Variants in KANK1 observed in about 807,000 individuals in gnomAD.
KANK1 encodes the protein KN motif and ankyrin repeat domains 1, also known as KN motif and ankyrin repeat domain-containing protein 1.
Under a neutral mutation model 106.2 loss-of-function variants are expected in KANK1, and 109 were observed. The observed-to-expected ratio is 1.03, with a 90% CI of 0.88 to 1.20. KANK1 has a LOEUF of 1.20. Ranked by LOEUF, KANK1 falls within the 50% of genes most tolerant of loss-of-function variation. The probability of loss-of-function intolerance (pLI) is 0.00; values close to 1 mark genes in which losing one functional copy is unlikely to be tolerated. For missense variants in KANK1, 2,399 were observed against 1,710.7 expected (o/e 1.40, Z -7.10); for synonymous variants, 873 against 652.2 (o/e 1.34, Z -5.16).
intron 2 of KANK1, among the ~76,000 whole-genome samples, chr9:678,896 AG>A (rs1231676497): frequency 6.6e-6 from 1 of 152,102 alleles, no homozygotes; most frequent in Non-Finnish European, 1.5e-5. Flanking sequence ...GCTCAGGGGA[AG>A]GGGTGTTTAA....
At position 676,997 on chromosome 9, in the gene KANK1, G is replaced by A. The variant is rs757853268; in HGVS notation, c.25G>A (p.Gly9Ser). 2.1e-5 allele frequency: 34 copies of A among 1,613,694 alleles called. No individual in the cohort carries two copies. The highest frequency in any genetic ancestry group is 1.0e-4 in the Admixed American group (6 of 59,990). The change falls in exon 2 of 12, where the codon GGC becomes AGC. Residue 9 changes from glycine to serine, a missense_variant. Gly to Ser is a moderately conservative substitution (Grantham distance 56). Coordinates refer to ENST00000382297, the MANE Select transcript of KANK1 (RefSeq NM_015158.5). MAHTTKVN[G>S]SASGKAGDIL... Reference sequence around the variant, plus strand: ...CATGGCTCACACCACAAAGGTTAACGGCAGTGCCTCAGGTAACCCTGTGCT... The same window carrying A: ...CATGGCTCACACCACAAAGGTTAACAGCAGTGCCTCAGGTAACCCTGTGCT...
intron 1 of KANK1, among the ~76,000 whole-genome samples, chr9:579,489 C>T (rs1420604095): frequency 5.3e-5 from 8 of 152,182 alleles, no homozygotes; most frequent in African/African-American, 1.7e-4. Flanking sequence ...TTCTGCACTC[C>T]AGCTCTGTTG....
intron 1 of KANK1, among the ~76,000 whole-genome samples, chr9:661,297 C>A (rs1843255644): frequency 6.7e-6 from 1 of 149,396 alleles, no homozygotes; most frequent in Middle Eastern, 3.5e-3. Flanking sequence ...ACAACAGGCC[C>A]CAGTGTGTGA....
rs1589348988 is a variant in KANK1, at chr9:740,907, T to G, written c.3669T>G (p.Cys1223Trp). 1 of 1,614,158 alleles carries G rather than the reference T, an allele frequency of 6.2e-7. No homozygotes were observed. The highest frequency in any genetic ancestry group is 1.3e-5 in the African/African-American group (1 of 75,052). ...GGATTGTGGAAGAACTCTTCGGCTG[T>G]GGGGATGTGAATGCCAAAGCTAGTC... ...DMRIVEELFG[C>W]GDVNAKASQA... Residue 1223 changes from cysteine (C) to tryptophan (W), a missense_variant, in exon 9 of 12, where the codon TGT becomes TGG. By Grantham distance (215) the Cys-to-Trp change is radical. Coordinates refer to ENST00000382297, the MANE Select transcript of KANK1 (RefSeq NM_015158.5).
intron 4 of KANK1, 71 bp from the exon 5 acceptor site, chr9:731,087 G>T (rs1327669889): frequency 1.3e-5 from 10 of 797,728 alleles, no homozygotes; most frequent in East Asian, 1.1e-4. Flanking sequence ...GAAAAGAACT[G>T]TACAGGAAAA....
chr9:490,970 T>A (rs1478388118), intron 3 of KANK1, among the ~76,000 whole-genome samples: 1 of 150,426 alleles, frequency 6.6e-6, no homozygotes, highest in Non-Finnish European at 1.5e-5. Context: ...TTTTTTTTTT[T>A]TTTTTTTGAG....
intron 1 of KANK1, among the ~76,000 whole-genome samples, chr9:547,797 G>T (rs2133998345): frequency 6.6e-6 from 1 of 152,350 alleles, no homozygotes; most frequent in African/African-American, 2.4e-5. Context: ...ACACATTTCT[G>T]CAGTGGACTA....
chr9:567,305 A>G (rs1484576019), intron 1 of KANK1, among the ~76,000 whole-genome samples: 2 of 152,208 alleles, frequency 1.3e-5, no homozygotes, highest in African/African-American at 4.8e-5. Context: ...CTTTTTGCTT[A>G]GGATTGCCTT....
At chr9:570,096 T>G (rs1818795927) in intron 1 of KANK1, among the ~76,000 whole-genome samples, 1 of 152,202 alleles carries the variant, frequency 6.6e-6, no homozygotes, top group African/African-American at 2.4e-5. Flanking sequence ...TGTTTAGATG[T>G]CTGTTGTTTC....
intron 3 of KANK1, among the ~76,000 whole-genome samples, chr9:478,813 G>C (rs2058152586): frequency 6.6e-6 from 1 of 152,076 alleles, no homozygotes. Flanking sequence ...CAGAAAACAA[G>C]TGAAGCCACA....
rs182364723 is a variant in KANK1, at chr9:543,965, A to G, written c.-84+39211A>G. The stretch of plus-strand genomic sequence containing the variant: ...ACCTACCTGGCTATTTTCTTACGCT[A>G]TCTTTATTTGCTTAGTAAATATAAC... On this transcript the variant is annotated intron_variant, in intron 1 of 11. Transcript: ENST00000382297. 2.5e-3 allele frequency among the ~76,000 whole-genome samples: 378 copies of G among 151,954 alleles called. 2 individuals are homozygous for G. The highest frequency in any genetic ancestry group is 4.2e-3 in the Non-Finnish European group (286 of 67,924).
intron 1 of KANK1, among the ~76,000 whole-genome samples, chr9:579,346 C>G (rs1038993813): frequency 3.9e-5 from 6 of 152,150 alleles, no homozygotes; most frequent in African/African-American, 7.2e-5. Context: ...AGGATGTTAT[C>G]AGGATACTGA....
At chr9:543,559 C>CA (rs57776331) in intron 1 of KANK1, among the ~76,000 whole-genome samples, 3,436 of 120,340 alleles carry the variant, frequency 0.029, 55 homozygotes, top group Non-Finnish European at 0.035. Context: ...AACTCTGTCT[C>CA]AAAAAAAAAA....
At position 732,553 on chromosome 9, in the gene KANK1, G is replaced by A; in HGVS notation, c.3181G>A (p.Ala1061Thr). Residue 1061 changes from alanine to threonine, a missense_variant, in exon 6 of 12, where the codon GCC becomes ACC. Transcript: ENST00000382297. ...HAVNIEGLKSARVEDEMQVQE... is the reference protein window; with the variant it reads ...HAVNIEGLKSTRVEDEMQVQE... The stretch of plus-strand genomic sequence containing the variant: ...AGTTAATATTGAAGGTTTGAAGTCT[G>A]CCAGGGTGGAAGATGAAATGCAGGT... The A allele has an allele frequency of 6.2e-7, 1 of 1,614,168 alleles. No homozygotes were observed. Among genetic ancestry groups the A allele is most frequent in the Non-Finnish European group, 8.5e-7 (1 of 1,180,028 alleles).
chr9:715,086 A>C (rs1016472347), intron 3 of KANK1, among the ~76,000 whole-genome samples: 3 of 152,222 alleles, frequency 2.0e-5, no homozygotes, highest in African/African-American at 7.2e-5. Flanking sequence ...TTCCACTTTC[A>C]AACCTGAATT....
At chr9:695,062 T>C (rs962916607) in intron 2 of KANK1, among the ~76,000 whole-genome samples, 2 of 152,326 alleles carry the variant, frequency 1.3e-5, no homozygotes, top group African/African-American at 4.8e-5. Context: ...CTGCATTGTA[T>C]GATTCCAGGG....
chr9:532,330 C>G (rs1187667680), intron 1 of KANK1, among the ~76,000 whole-genome samples: 1 of 130,642 alleles, frequency 7.7e-6, no homozygotes, highest in East Asian at 2.3e-4. Context: ...CAACCTCTGT[C>G]TCACTGGTTC....
chr9:517,659 A>G (rs2059346568), intron 1 of KANK1, among the ~76,000 whole-genome samples: 1 of 151,292 alleles, frequency 6.6e-6, no homozygotes, highest in Non-Finnish European at 1.5e-5. Context: ...GTCTGGGCTC[A>G]ATTCTGCCTG....
At chr9:477,640 T>C (rs1399649567) in intron 3 of KANK1, 3 of 152,162 alleles carry the variant, frequency 2.0e-5, no homozygotes, top group Admixed American at 6.5e-5. Flanking sequence ...ATATCACAAG[T>C]AGTAGATAAA....
Sources: gnomAD v4.1 joint callset for allele counts (sites outside exome capture counted in the v4.1 genomes callset) on GRCh38, gnomAD v4.1.1 for gene constraint, MANE v1.5 for transcripts, NCBI Gene and HGNC (gene_info 2026-07-23, HGNC 2026-07-21) for gene names.